EPPK1: variants seen among roughly 807,000 people sequenced by gnomAD.
EPPK1 encodes the protein epiplakin 1, also known as epiplakin.
For missense variants in EPPK1, 3,823 were observed against 3,673.3 expected, an observed-to-expected ratio of 1.04 and a Z score of -1.05; for synonymous variants, 1,862 against 1,721.2, an observed-to-expected ratio of 1.08 and a Z score of -2.03.
chr8:143,869,031 G>A lies in EPPK1; in HGVS notation c.4223C>T (p.Ala1408Val), dbSNP rs368940625. 270 of 1,609,874 alleles carry A rather than the reference G, an allele frequency of 1.7e-4. No individual in the cohort carries two copies. Among genetic ancestry groups the A allele is most frequent in the South Asian group, 2.4e-4 (22 of 91,084 alleles). The stretch of plus-strand genomic sequence containing the variant: ...CTGCTGGTAGGTCACCTGGTCCCGC[G>A]CACTGGGGTCAAAGAAGAACTTGTT... ...KDNKFFFDPS[A>V]RDQVTYQQLR... The change falls in exon 2 of 2, where the codon GCG (alanine) becomes GTG (valine). Residue 1408 changes from alanine (A) to valine (V), a missense_variant. Transcript: ENST00000615648.
Position 143,866,861 on chromosome 8 carries a change from C to A in EPPK1, c.6393G>T (p.Val2131=). The change falls in exon 2 of 2, where the codon GTG becomes GTT. Residue 2131 remains valine, a synonymous_variant. Coordinates refer to ENST00000615648, the MANE Select transcript of EPPK1 (RefSeq NM_031308.4). ...CCAGCTGGAGCTTCTTCTCCTCTGT[C>A]ACGTATTCGGAATTCAGTAGTGCCC... ...TLWALLNSEY[V]TEEKKLQLVR... The A allele has an allele frequency of 6.2e-7, 1 of 1,613,316 alleles. No individual in the cohort carries two copies. Among genetic ancestry groups the A allele is most frequent in the South Asian group, 1.1e-5 (1 of 91,084 alleles).
chr8:143,868,672 C>T lies in EPPK1; in HGVS notation c.4582G>A (p.Val1528Met), dbSNP rs1054923745. The T allele has an allele frequency of 4.4e-6, 7 of 1,582,956 alleles. No homozygotes were observed. In the African/African-American group the frequency reaches 5.4e-5, roughly 12 times the overall value. Reference sequence around the variant, plus strand: ...GCCCTGAACAGGTCCCTGGCTGACACCTGCTTCCGGAGCCCTCTGAAGGTG... The same window carrying T: ...GCCCTGAACAGGTCCCTGGCTGACATCTGCTTCCGGAGCCCTCTGAAGGTG... ...QATFRGLRKQ[V>M]SARDLFRAQL... Residue 1528 changes from valine to methionine, a missense_variant, in exon 2 of 2, where the codon GTG (valine) becomes ATG (methionine). Physicochemically the swap from Val to Met is conservative, Grantham distance 21 (BLOSUM62 1). Coordinates refer to ENST00000615648, the MANE Select transcript of EPPK1 (RefSeq NM_031308.4).
chr8:143,859,361 G>C lies in EPPK1; in HGVS notation c.13893C>G (p.Ala4631=), dbSNP rs1248636390. ...CGGCCTCGGCCCGGGCCTGGGCCTG[G>C]GCCTGGGCCAGCAGCGAGGTGAGGG... The part of the protein sequence containing the change: ...GATLTSLLAQ[A]QAQARAEAEA... The change falls in exon 2 of 2, where the codon GCC becomes GCG. Residue 4631 remains alanine, a synonymous_variant. Transcript: ENST00000615648. 9.2e-6 allele frequency: 3 copies of C among 327,464 alleles called. 1 individual carries two copies. Among genetic ancestry groups the C allele is most frequent in the African/African-American group, 8.5e-5 (3 of 35,318 alleles). The allele number at this position is 327,464 out of a possible 1,614,324, so 20.3% of individuals were successfully genotyped here.
At position 143,868,534 on chromosome 8, in the gene EPPK1, C is replaced by T; in HGVS notation, c.4720G>A (p.Ala1574Thr). ...KRSLEGGNFIAGVLIQGTQER... is the reference protein window; with the variant it reads ...KRSLEGGNFITGVLIQGTQER... The stretch of plus-strand genomic sequence containing the variant: ...TGGGTGCCCTGGATAAGGACCCCGG[C>T]AATGAAGTTGCCTCCCTCCAGGGAC... Residue 1574 changes from alanine to threonine, a missense_variant, in exon 2 of 2, where the codon GCC (alanine) becomes ACC (threonine). Physicochemically the swap from Ala to Thr is moderately conservative, Grantham distance 58. Coordinates refer to ENST00000615648, the MANE Select transcript of EPPK1 (RefSeq NM_031308.4). 6.2e-7 allele frequency: 1 copy of T among 1,606,194 alleles called. No individual in the cohort carries two copies. Among genetic ancestry groups the T allele is most frequent in the Middle Eastern group, 1.7e-4 (1 of 6,050 alleles).
chr8:143,869,567 G>A lies in EPPK1; in HGVS notation c.3687C>T (p.Pro1229=), dbSNP rs144925578. The part of the protein sequence containing the change: ...LEALAQGTQS[P]AQVAEQPAVK... ...CCGCCGGCTGCTCGGCGACCTGGGC[G>A]GGCGACTGCGTGCCCTGAGCCAGGG... Residue 1229 remains proline, a synonymous_variant, in exon 2 of 2, where the codon CCC becomes CCT. Coordinates refer to ENST00000615648, the MANE Select transcript of EPPK1 (RefSeq NM_031308.4). The A allele has an allele frequency of 3.1e-3, 4,792 of 1,559,000 alleles. 8 individuals carry two copies. The highest frequency in any genetic ancestry group is 3.8e-3 in the Non-Finnish European group (4,370 of 1,153,688).
Position 143,872,132 on chromosome 8 carries a change from T to A in EPPK1, c.1122A>T (p.Gln374His). 2 of 1,568,728 alleles carry A rather than the reference T, an allele frequency of 1.3e-6. No individual in the cohort carries two copies. Among genetic ancestry groups the A allele is most frequent in the Non-Finnish European group, 1.7e-6 (2 of 1,158,232 alleles). The change falls in exon 2 of 2, where the codon CAA becomes CAT. Residue 374 changes from glutamine (Q) to histidine (H), a missense_variant. Transcript: ENST00000615648. ...TGHHDPFSGSQIPLFQAMKKG... is the reference protein window; with the variant it reads ...TGHHDPFSGSHIPLFQAMKKG... ...TCTTCATGGCCTGGAAAAGGGGGAT[T>A]TGGGAGCCACTGAAGGGGTCGTGGT...
rs35186960 is a variant in EPPK1 at position 143,857,896 on chromosome 8, C to CAAAA, written c.*87_*90dup. ...GTAAAACAACAAAATTAAAGAATGA[C>CAAAA]AAAAAAAAAAAAAAAAAAAAAAACA... On this transcript the variant is annotated 3_prime_UTR_variant, in exon 2 of 2. Transcript: ENST00000615648. 2,296 of 435,124 alleles carry CAAAA rather than the reference C, an allele frequency of 5.3e-3. No homozygotes were observed. The highest frequency in any genetic ancestry group is 0.012 in the South Asian group (267 of 22,646). The allele number at this position is 435,124 out of a possible 1,614,324, so 27.0% of individuals were successfully genotyped here.
At position 143,866,806 on chromosome 8, in the gene EPPK1, C is replaced by G. The variant is rs782612655; in HGVS notation, c.6448G>C (p.Ala2150Pro). Residue 2150 changes from alanine (A) to proline (P), a missense_variant, in exon 2 of 2, where the codon GCA (alanine) becomes CCA (proline). Coordinates refer to ENST00000615648, the MANE Select transcript of EPPK1 (RefSeq NM_031308.4). ...VRMYRTHTRR[A>P]LQTVAQLILE... ...ATGAGCTGCGCTACCGTCTGCAGTG[C>G]CCGTCTGGTGTGTGTTCTATACATC... is the stretch of plus-strand genomic sequence containing the variant. 44 of 1,613,344 alleles carry G rather than the reference C, an allele frequency of 2.7e-5. No homozygotes were observed. Among genetic ancestry groups the G allele is most frequent in the Non-Finnish European group, 3.6e-5 (43 of 1,179,876 alleles).
chr8:143,865,350 C>A lies in EPPK1; in HGVS notation c.7904G>T (p.Arg2635Leu), dbSNP rs1246822078. 1.7e-4 allele frequency: 56 copies of A among 324,736 alleles called. No homozygotes were observed. Among genetic ancestry groups the A allele is most frequent in the Non-Finnish European group, 2.5e-4 (52 of 207,824 alleles). The allele number at this position is 324,736 out of a possible 1,614,324, so 20.1% of individuals were successfully genotyped here. A position where few individuals can be genotyped will look rare whatever the true frequency, so the allele number is the denominator to read the frequency against. Residue 2635 changes from arginine (R) to leucine (L), a missense_variant, in exon 2 of 2, where the codon CGC (arginine) becomes CTC (leucine). By Grantham distance (102) the Arg-to-Leu change is moderately radical. Transcript: ENST00000615648. ...GGCATCACGCAGGGTCTGCTCCTGG[C>A]GGCGGGCGGCGGCGGCGGCGGCGGC... Reference protein sequence around the residue: ...AAAAAAAAARRQEQTLRDATM... With the variant: ...AAAAAAAAARLQEQTLRDATM...
In EPPK1 at chr8:143,869,349, T is replaced by C. The variant is rs576066051; in HGVS notation, c.3905A>G (p.Asp1302Gly). The C allele has an allele frequency of 2.0e-5, 32 of 1,610,434 alleles. No homozygotes were observed. The South Asian group carries it at 2.4e-4, about 12-fold the overall frequency. Residue 1302 changes from aspartate to glycine, a missense_variant, in exon 2 of 2, where the codon GAC (aspartate) becomes GGC (glycine). Physicochemically the swap from Asp to Gly is moderately conservative, Grantham distance 94. Coordinates refer to ENST00000615648, the MANE Select transcript of EPPK1 (RefSeq NM_031308.4). Reference protein sequence around the residue: ...PLNNQRLSVEDAVKVGLVGRE... With the variant: ...PLNNQRLSVEGAVKVGLVGRE... ...GCCCACCAGGCCGACCTTAACCGCG[T>C]CCTCCACTGACAGTCTCTGGTTGTT...
rs782451931 is a variant in EPPK1, at chr8:143,868,567, C to T, written c.4687G>A (p.Val1563Met). Residue 1563 changes from valine (V) to methionine (M), a missense_variant, in exon 2 of 2, where the codon GTG becomes ATG. Coordinates refer to ENST00000615648, the MANE Select transcript of EPPK1 (RefSeq NM_031308.4). ...TTGCCTCCCTCCAGGGACCGCTTCA[C>T]GCTGTCCATCTCCGCCACCTCCTTC... Reference protein sequence around the residue: ...TVKEVAEMDSVKRSLEGGNFI... With the variant: ...TVKEVAEMDSMKRSLEGGNFI... 1.2e-4 allele frequency: 198 copies of T among 1,603,646 alleles called. No homozygotes were observed. Among genetic ancestry groups the T allele is most frequent in the South Asian group, 1.7e-4 (15 of 89,542 alleles).
chr8:143,872,850 T>C lies in EPPK1; in HGVS notation c.404A>G (p.Gln135Arg). The change falls in exon 2 of 2, where the codon CAG (glutamine) becomes CGG (arginine). Residue 135 changes from glutamine (Q) to arginine (R), a missense_variant. By Grantham distance (43) the Gln-to-Arg change is conservative. Transcript: ENST00000615648. ...PYGGEKLALF[Q>R]AIGKEVVDRA... ...GTCCACAACCTCCTTCCCGATGGCCTGAAAGAGGGCCAGCTTCTCACCGCC... is the reference window on the plus strand; with the variant it reads ...GTCCACAACCTCCTTCCCGATGGCCCGAAAGAGGGCCAGCTTCTCACCGCC... The C allele has an allele frequency of 1.3e-6, 2 of 1,566,162 alleles. No individual in the cohort carries two copies. The highest frequency in any genetic ancestry group is 1.7e-6 in the Non-Finnish European group (2 of 1,155,582).
Position 143,869,170 on chromosome 8 carries a change from T to C in EPPK1, c.4084A>G (p.Thr1362Ala). Residue 1362 changes from threonine (T) to alanine (A), a missense_variant, in exon 2 of 2, where the codon ACA becomes GCA. Transcript: ENST00000615648. ...GLPLLQVQLA[T>A]GGVVDPVHGV... ...TGGACAGGGTCCACCACACCCCCTG[T>C]GGCCAGCTGCACCTGCAGGAGGGGC... is the stretch of plus-strand genomic sequence containing the variant. The C allele has an allele frequency of 6.2e-7, 1 of 1,608,110 alleles. No homozygotes were observed. Among genetic ancestry groups the C allele is most frequent in the Non-Finnish European group, 8.5e-7 (1 of 1,179,562 alleles).
chr8:143,873,458 C>A (rs1318992815), intron 1 of EPPK1, among the ~76,000 whole-genome samples, 160 bp from the exon 2 acceptor site: 2 of 152,110 alleles, frequency 1.3e-5, no homozygotes, highest in Admixed American at 6.5e-5. Flanking sequence ...CAGGAGCACT[C>A]TGCCGCGGGG....
Position 143,869,185 on chromosome 8 carries a change from G to A in EPPK1, c.4069C>T (p.Gln1357Ter). Residue 1357 changes from glutamine to a stop codon, truncating the protein, a stop_gained, in exon 2 of 2, where the codon CAG becomes TAG. Transcript: ENST00000615648. LOFTEE classifies it low-confidence loss of function (END_TRUNC). Reference sequence around the variant, plus strand: ...ACACCCCCTGTGGCCAGCTGCACCTGCAGGAGGGGCAAGCCCTCGTTCTGT... The same window carrying A: ...ACACCCCCTGTGGCCAGCTGCACCTACAGGAGGGGCAAGCCCTCGTTCTGT... ...VPQNEGLPLL[Q>*]VQLATGGVVD... 1 of 1,609,058 alleles carries A rather than the reference G, an allele frequency of 6.2e-7. No individual in the cohort carries two copies. Among genetic ancestry groups the A allele is most frequent in the South Asian group, 1.1e-5 (1 of 91,046 alleles).
At chr8:143,878,803 A>G (rs1349063169), upstream of EPPK1, among the ~76,000 whole-genome samples, 4 of 151,822 alleles carry the variant, frequency 2.6e-5, no homozygotes, top group African/African-American at 9.7e-5. Flanking sequence ...CAAGCCACTA[A>G]TGCGGTGCGG....
Position 143,868,956 on chromosome 8 carries a change from G to A in EPPK1, c.4298C>T (p.Pro1433Leu), listed in dbSNP as rs1554660168. ...CDSETGLLLLPLPSDTVLEVD... is the reference protein window; with the variant it reads ...CDSETGLLLLLLPSDTVLEVD... ...CTCAAGCACTGTGTCTGAGGGCAGT[G>A]GCAACAGCAACAATCCGGTCTCGGA... The change falls in exon 2 of 2, where the codon CCA becomes CTA. Residue 1433 changes from proline to leucine, a missense_variant. By Grantham distance (98) the Pro-to-Leu change is moderately conservative. Transcript: ENST00000615648. 2 of 1,610,682 alleles carry A rather than the reference G, an allele frequency of 1.2e-6. No homozygotes were observed. Among genetic ancestry groups the A allele is most frequent in the East Asian group, 2.2e-5 (1 of 44,894 alleles).
Position 143,868,118 on chromosome 8 carries a change from C to G in EPPK1, c.5136G>C (p.Glu1712Asp), listed in dbSNP as rs781849833. 94 of 1,613,224 alleles carry G rather than the reference C, an allele frequency of 5.8e-5. No homozygotes were observed. The highest frequency in any genetic ancestry group is 7.1e-5 in the Non-Finnish European group (84 of 1,180,044). ...GGTCCGCCAGGATGCGGTTCATCTC[C>G]TCGTCGAAGTAGCCGCAGCGGTAGG... is the stretch of plus-strand genomic sequence containing the variant. ...DVAYRCGYFDEEMNRILADPS... is the reference protein window; with the variant it reads ...DVAYRCGYFDDEMNRILADPS... Residue 1712 changes from glutamate to aspartate, a missense_variant, in exon 2 of 2, where the codon GAG (glutamate) becomes GAC (aspartate). By Grantham distance (45) the Glu-to-Asp change is conservative (BLOSUM62 2). Coordinates refer to ENST00000615648, the MANE Select transcript of EPPK1 (RefSeq NM_031308.4).
intron 1 of EPPK1, among the ~76,000 whole-genome samples, chr8:143,874,174 CA>C (rs1284419031): frequency 5.9e-5 from 9 of 152,244 alleles, no homozygotes; most frequent in African/African-American, 1.9e-4. Context: ...TGCCCTGCGC[CA>C]ACCCCTTCCA....
Sources: allele counts gnomAD v4.1 joint callset (sites outside exome capture counted in the v4.1 genomes callset), GRCh38; gene constraint gnomAD v4.1.1; transcripts MANE v1.5; gene names NCBI Gene and HGNC (gene_info 2026-07-23, HGNC 2026-07-21).